AP1G1: variants seen among roughly 807,000 people sequenced by gnomAD.
The protein encoded by AP1G1 is AP-1 complex subunit gamma-1.
A neutral mutation model predicts 108.3 loss-of-function variants in AP1G1; 7 were observed. That is an observed-to-expected ratio of 0.06 (90% confidence interval 0.04 to 0.12). The LOEUF (loss-of-function observed/expected upper bound fraction) is 0.12. AP1G1 is among the 10% of genes least tolerant of loss of function. The pLI, the probability that AP1G1 is intolerant of heterozygous loss-of-function variation, is 1.00. For synonymous variants in AP1G1, 379 were observed against 353.5 expected, an observed-to-expected ratio of 1.07 and a Z score of -0.81; for missense variants, 756 against 1,010.7, an observed-to-expected ratio of 0.75 and a Z score of 3.42.
chr16:71,747,445 T>G (rs1041828509), intron 16 of AP1G1: 4 of 152,016 alleles, frequency 2.6e-5, no homozygotes, highest in Non-Finnish European at 5.9e-5. Context: ...CCAGGCATGG[T>G]GGTGTGCGCC....
In AP1G1 at chr16:71,729,820, G is replaced by T. The variant is rs1488913432; in HGVS notation, c.*3238C>A. On this transcript the variant is annotated 3_prime_UTR_variant, in exon 23 of 23. Transcript: ENST00000299980. Reference sequence around the variant, plus strand: ...AGTTTTCTCAGTTTAGGACACTGTGGTTAAAATACATTCACTAGAAAAAAA... The same window carrying T: ...AGTTTTCTCAGTTTAGGACACTGTGTTTAAAATACATTCACTAGAAAAAAA... The T allele has an allele frequency of 1.3e-5, 2 of 152,510 alleles. No individual in the cohort carries two copies. The highest frequency in any genetic ancestry group is 4.8e-5 in the African/African-American group (2 of 41,396). The allele number at this position is 152,510 out of a possible 1,614,324, so 9.4% of individuals were successfully genotyped here. A position where few individuals can be genotyped will look rare whatever the true frequency, so the allele number is the denominator to read the frequency against.
chr16:71,764,217 G>T, intron 9 of AP1G1, 133 bp downstream of exon 9: 1 of 561,718 alleles, frequency 1.8e-6, no homozygotes, highest in Non-Finnish European at 3.1e-6. Context: ...CAAAAATCCA[G>T]CATTCCACAT....
intron 2 of AP1G1, among the ~76,000 whole-genome samples, chr16:71,786,974 G>C (rs2032226973): frequency 6.6e-6 from 1 of 151,822 alleles, no homozygotes; most frequent in South Asian, 2.1e-4. Context: ...AAGTAAGCCT[G>C]AGGTGTCCAC....
At chr16:71,744,995 C>T in intron 19 of AP1G1, 149 bp downstream of exon 19, 1 of 813,832 alleles carries the variant, frequency 1.2e-6, no homozygotes, top group Middle Eastern at 2.4e-4. Flanking sequence ...CAACATATAA[C>T]CCGGATATTG....
chr16:71,736,804 A>G (rs1358527526), intron 21 of AP1G1, among the ~76,000 whole-genome samples: 1 of 147,494 alleles, frequency 6.8e-6, no homozygotes, highest in East Asian at 2.0e-4. Flanking sequence ...CGTGTTAGCC[A>G]GGATGGTCTC....
chr16:71,774,858 T>A (rs555347954), intron 2 of AP1G1, among the ~76,000 whole-genome samples: 8 of 146,310 alleles, frequency 5.5e-5, no homozygotes, highest in Non-Finnish European at 9.0e-5. Context: ...GTAGCTGGGA[T>A]TACAGGAATT....
intron 4 of AP1G1, among the ~76,000 whole-genome samples, chr16:71,771,545 A>G (rs934011087): frequency 1.3e-5 from 2 of 152,166 alleles, no homozygotes; most frequent in East Asian, 3.8e-4. Context: ...AAGAGGAGAG[A>G]AAATTATTTA....
chr16:71,791,095 C>T (rs1362361281), intron 1 of AP1G1, among the ~76,000 whole-genome samples: 2 of 151,974 alleles, frequency 1.3e-5, no homozygotes, highest in Non-Finnish European at 2.9e-5. Flanking sequence ...GTGGCACACA[C>T]CTGTAGGCTC....
intron 19 of AP1G1, chr16:71,742,172 G>C (rs2029899168): frequency 6.6e-6 from 1 of 151,944 alleles, no homozygotes; most frequent in South Asian, 2.1e-4. Context: ...AGGAAAACAA[G>C]ACAGTAGGAA....
rs904763 is a variant in AP1G1, at chr16:71,739,287, G to A, written c.2054C>T (p.Pro685Leu). The change falls in exon 20 of 23, where the codon CCC (proline) becomes CTC (leucine). Residue 685 changes from proline (P) to leucine (L), a missense_variant. Pro to Leu is a moderately conservative substitution (Grantham distance 98). This residue lies in a region of AP1G1 where 357 missense variants were observed against 366.5 expected (regional missense o/e 0.97). Coordinates refer to ENST00000299980, the MANE Select transcript of AP1G1 (RefSeq NM_001128.6). Reference protein sequence around the residue: ...PASVPQISQPPFLLDGLSSQP... With the variant: ...PASVPQISQPLFLLDGLSSQP... Reference sequence around the variant, plus strand: ...TGATGAAAGCCCATCCAACAAGAAGGGGGGCTGGGATATCTGTGGGACTGA... The same window carrying A: ...TGATGAAAGCCCATCCAACAAGAAGAGGGGCTGGGATATCTGTGGGACTGA... The A allele has an allele frequency of 1.2e-5, 19 of 1,612,752 alleles. No homozygotes were observed. In the South Asian group the frequency reaches 1.7e-4, roughly 14 times the overall value.
In AP1G1 at chr16:71,729,908, T is replaced by C. The variant is rs936845133; in HGVS notation, c.*3150A>G. 1 of 152,614 alleles carries C rather than the reference T, an allele frequency of 6.6e-6. No homozygotes were observed. The highest frequency in any genetic ancestry group is 1.5e-5 in the Non-Finnish European group (1 of 68,036). The allele number at this position is 152,614 out of a possible 1,614,324, so 9.5% of individuals were successfully genotyped here. A position where few individuals can be genotyped will look rare whatever the true frequency, so the allele number is the denominator to read the frequency against. The stretch of plus-strand genomic sequence containing the variant: ...CCCAAATATTTTCCAATGCAGAAGA[T>C]AATGAAGTTGAACCTTGAAAGCAGT... On this transcript the variant is annotated 3_prime_UTR_variant, in exon 23 of 23. Transcript: ENST00000299980.
rs770797451 is a variant in AP1G1 at position 71,756,152 on chromosome 16, T to C, written c.1096A>G (p.Met366Val). 1.1e-5 allele frequency: 18 copies of C among 1,603,182 alleles called. No individual in the cohort carries two copies. In the South Asian group the frequency reaches 1.6e-4, roughly 14 times the overall value. ...TTTACCAGGGCAAAACTCAATTCCA[T>C]TGCACGCCTTGCAGAAGGGAAAAAT... ...DLDVSIKRRA[M>V]ELSFALVNGN... The change falls in exon 12 of 23, where the codon ATG becomes GTG. Residue 366 changes from methionine (M) to valine (V), a missense_variant. Around this residue, in one of 3 missense-constraint regions of AP1G1, gnomAD observed 304 missense variants for 483.6 expected, o/e 0.63. Transcript: ENST00000299980.
chr16:71,776,805 A>G (rs940048307), intron 2 of AP1G1, among the ~76,000 whole-genome samples: 3 of 151,978 alleles, frequency 2.0e-5, no homozygotes, highest in Non-Finnish European at 4.4e-5. Flanking sequence ...ACCATTTCTT[A>G]TTAAACTATA....
chr16:71,762,470 T>C (rs573286702), intron 9 of AP1G1, among the ~76,000 whole-genome samples: 2 of 152,138 alleles, frequency 1.3e-5, no homozygotes, highest in Non-Finnish European at 2.9e-5. Context: ...ACAACCATGA[T>C]ATTAGACGAT....
intron 10 of AP1G1, 99 bp downstream of exon 10, chr16:71,761,413 A>G (rs1311365446): frequency 3.4e-6 from 3 of 871,496 alleles, no homozygotes; most frequent in Non-Finnish European, 3.7e-6. Flanking sequence ...TAAAAGTTCT[A>G]AATATGTGAC....
rs573551762 is a variant in AP1G1, at chr16:71,735,213, T to C, written c.2269-506A>G. On this transcript the variant is annotated intron_variant, in intron 21 of 22. Coordinates refer to ENST00000299980, the MANE Select transcript of AP1G1 (RefSeq NM_001128.6). The stretch of plus-strand genomic sequence containing the variant: ...ACTTGAACTTTTGTTTTTTAAAGCC[T>C]GCATAATCTATAATGTGTCAGAGCC... 7.2e-5 allele frequency among the ~76,000 whole-genome samples: 11 copies of C among 152,344 alleles called. 2 individuals carry two copies. Among genetic ancestry groups the C allele is most frequent in the Admixed American group, 3.9e-4 (6 of 15,302 alleles).
chr16:71,747,719 C>CA (rs2030258014), intron 16 of AP1G1, among the ~76,000 whole-genome samples: 1 of 152,096 alleles, frequency 6.6e-6, no homozygotes, highest in Admixed American at 6.6e-5. Flanking sequence ...GAGTGGGTCA[C>CA]ATCTGTAATC....
At chr16:71,801,365 A>T (rs905898656) in intron 1 of AP1G1, among the ~76,000 whole-genome samples, 7 of 151,730 alleles carry the variant, frequency 4.6e-5, no homozygotes, top group Admixed American at 4.6e-4. Context: ...ATAGAGTAAT[A>T]TAAATAATAT....
chr16:71,750,055 C>T lies in AP1G1; in HGVS notation c.1408-72G>A, dbSNP rs1202595604. 1.0e-5 allele frequency: 15 copies of T among 1,490,728 alleles called. No homozygotes were observed. In the Admixed American group the frequency reaches 2.5e-4, roughly 25 times the overall value. 92.3% of individuals were successfully genotyped at this position (1,490,728 alleles called of 1,614,324 possible). ...AAGTTATTTAATGCAAATCATAGGT[C>T]ATCTCATAATAAAGATCAAAACTGT... On this transcript the variant is annotated intron_variant, in intron 14 of 22. Transcript: ENST00000299980.
Sources: gnomAD v4.1 joint callset for allele counts (sites outside exome capture counted in the v4.1 genomes callset) on GRCh38, gnomAD v4.1.1 for gene constraint, gnomAD v4.1.1 regional missense constraint, MANE v1.5 for transcripts, NCBI Gene and HGNC (gene_info 2026-07-23, HGNC 2026-07-21) for gene names.